The following FANCB variants were observed in gnomAD, a reference collection of about 807,000 sequenced individuals.
FANCB encodes Fanconi anemia group B protein.
In FANCB, 5 loss-of-function variants were observed where a neutral mutation model predicts 38.9. The ratio of observed to expected loss-of-function variants is 0.13; its 90% CI spans 0.07 to 0.27. FANCB has a LOEUF of 0.27. Among genes scored for constraint, FANCB ranks in the 10% least tolerant of loss-of-function variants. The probability of loss-of-function intolerance (pLI) is 1.00; values close to 1 mark genes in which losing one functional copy is unlikely to be tolerated. For synonymous variants in FANCB, 236 were observed against 215.4 expected (o/e 1.10, Z -0.84); for missense variants, 573 against 602.7 (o/e 0.95, Z 0.52).
intron 1 of FANCB, among the ~76,000 whole-genome samples, chrX:14,870,149 T>C (rs1345616271): frequency 8.9e-6 from 1 of 112,030 alleles, no homozygotes; most frequent in East Asian, 2.8e-4. Flanking sequence ...CAGTAGATAT[T>C]AAGTATTGCT....
At chrX:14,707,904 T>C in the FANCB span, among the ~76,000 whole-genome samples, 1 of 111,410 alleles carries the variant, frequency 9.0e-6, no homozygotes, top group African/African-American at 3.3e-5. Flanking sequence ...ATGTATACAC[T>C]GTGAAATAAT....
chrX:14,864,844 A>G lies in FANCB; in HGVS notation c.667T>C (p.Leu223=), dbSNP rs1308832555. 27 of 1,208,511 alleles carry G rather than the reference A, an allele frequency of 2.2e-5. No homozygotes were observed. The highest frequency in any genetic ancestry group is 2.7e-5 in the Non-Finnish European group (24 of 893,464). ...GGAGGAATAATGTATATATCACTTA[A>G]TACTTCTTGACTTTCAAGAGAATAT... ...CVYSLESQEV[L]SDIYIIPPAY... The change falls in exon 3 of 10, where the codon TTA becomes CTA. Residue 223 remains leucine (L), a synonymous_variant. Coordinates refer to ENST00000650831, the MANE Select transcript of FANCB (RefSeq NM_001018113.3).
At position 14,864,967 on chromosome X, in the gene FANCB, C is replaced by A. The variant is rs765459332; in HGVS notation, c.544G>T (p.Val182Phe). Reference sequence around the variant, plus strand: ...CAACATTCCTTTAGTCCCAATAAAACCATACCTAAATTTTCAATCTCCCCT... The same window carrying A: ...CAACATTCCTTTAGTCCCAATAAAAACATACCTAAATTTTCAATCTCCCCT... ...WAGEIENLGM[V>F]LLGLKECCLS... The change falls in exon 3 of 10, where the codon GTT becomes TTT. Residue 182 changes from valine (V) to phenylalanine (F), a missense_variant. Val to Phe is a conservative substitution (Grantham distance 50). Coordinates refer to ENST00000650831, the MANE Select transcript of FANCB (RefSeq NM_001018113.3). 1 of 1,211,193 alleles carries A rather than the reference C, an allele frequency of 8.3e-7. No individual in the cohort carries two copies. The highest frequency in any genetic ancestry group is 1.7e-5 in the African/African-American group (1 of 57,756).
the FANCB span, among the ~76,000 whole-genome samples, chrX:14,755,624 T>C: frequency 9.0e-6 from 1 of 111,448 alleles, no homozygotes; most frequent in Non-Finnish European, 1.9e-5. Flanking sequence ...AGGAAAACTA[T>C]AAAATATTGA....
chrX:14,739,570 T>A, the FANCB span, among the ~76,000 whole-genome samples: 1 of 112,245 alleles, frequency 8.9e-6, no homozygotes, highest in African/African-American at 3.2e-5. Context: ...TGAAAATGCT[T>A]AAGAGAAATA....
the FANCB span, among the ~76,000 whole-genome samples, chrX:14,793,515 G>A: frequency 8.9e-6 from 1 of 112,089 alleles, no homozygotes. Flanking sequence ...TGGGTGAATT[G>A]TATGGTATGT....
At chrX:14,723,582 G>A in the FANCB span, among the ~76,000 whole-genome samples, 1 of 111,613 alleles carries the variant, frequency 9.0e-6, no homozygotes, top group African/African-American at 3.3e-5. Flanking sequence ...AGCTTCATCA[G>A]ACACTGGTTT....
the FANCB span, among the ~76,000 whole-genome samples, chrX:14,743,032 GAGA>G: frequency 8.9e-6 from 1 of 112,733 alleles, no homozygotes; most frequent in African/African-American, 3.2e-5. Context: ...CTGTAAAATG[GAGA>G]AGAATAATGG....
At chrX:14,868,683 T>A (rs2092481458) in intron 2 of FANCB, among the ~76,000 whole-genome samples, 1 of 111,183 alleles carries the variant, frequency 9.0e-6, no homozygotes, top group African/African-American at 3.3e-5. Flanking sequence ...CACAGTAGGG[T>A]AAAGATAGTT....
the FANCB span, among the ~76,000 whole-genome samples, chrX:14,759,874 A>G: frequency 8.9e-6 from 1 of 111,758 alleles, no homozygotes; most frequent in African/African-American, 3.3e-5. Flanking sequence ...CAATAGTAAC[A>G]TTGACTATAA....
chrX:14,720,969 CA>C, the FANCB span, among the ~76,000 whole-genome samples: 6 of 109,072 alleles, frequency 5.5e-5, no homozygotes, highest in Non-Finnish European at 7.6e-5. Flanking sequence ...CCCACCTCTA[CA>C]AAAAAATTAG....
the FANCB span, among the ~76,000 whole-genome samples, chrX:14,729,682 G>A: frequency 7.2e-5 from 8 of 111,005 alleles, no homozygotes; most frequent in South Asian, 3.1e-3. Context: ...ATATATAAGG[G>A]GCTCACCTTA....
At chrX:14,840,176 A>T (rs185067843), downstream of FANCB, among the ~76,000 whole-genome samples, 3 of 111,735 alleles carry the variant, frequency 2.7e-5, no homozygotes, top group East Asian at 8.4e-4. Context: ...TTTTTTTAGT[A>T]ATTGGCAGTC....
the FANCB span, among the ~76,000 whole-genome samples, chrX:14,794,867 A>C: frequency 8.9e-6 from 1 of 112,338 alleles, no homozygotes; most frequent in Middle Eastern, 4.6e-3. Context: ...AGGGGAAGGT[A>C]ATAAAAGGTG....
chrX:14,768,349 G>A, the FANCB span, among the ~76,000 whole-genome samples: 1 of 111,520 alleles, frequency 9.0e-6, no homozygotes, highest in East Asian at 2.8e-4. Flanking sequence ...GCACTGGTTT[G>A]TAGTCTTCCT....
At chrX:14,837,869 T>A (rs2092345249) in intron 10 of FANCB, among the ~76,000 whole-genome samples, 1 of 112,044 alleles carries the variant, frequency 8.9e-6, no homozygotes, top group African/African-American at 3.2e-5. Context: ...TTAACCTGTC[T>A]CAGTCTCAGT....
At chrX:14,849,098 T>A (rs777736200) in intron 7 of FANCB, among the ~76,000 whole-genome samples, 1 of 112,094 alleles carries the variant, frequency 8.9e-6, no homozygotes, top group South Asian at 3.7e-4. Context: ...AATTCATTTA[T>A]AAACTAGTAT....
At chrX:14,810,326 G>A in the FANCB span, among the ~76,000 whole-genome samples, 1 of 112,520 alleles carries the variant, frequency 8.9e-6, no homozygotes, top group East Asian at 2.8e-4. Context: ...GAATGACTTT[G>A]ACGAGTTGAG....
chrX:14,745,798 A>T, the FANCB span, among the ~76,000 whole-genome samples: 2 of 98,610 alleles, frequency 2.0e-5, no homozygotes, highest in Non-Finnish European at 4.0e-5. Flanking sequence ...CTCCCGGGTT[A>T]ACGCCATTCT....
Sources: allele counts gnomAD v4.1 joint callset (sites outside exome capture counted in the v4.1 genomes callset), GRCh38; gene constraint gnomAD v4.1.1; transcripts MANE v1.5; gene names NCBI Gene and HGNC (gene_info 2026-07-23, HGNC 2026-07-21).